Variants in VPS13C observed in about 807,000 individuals in gnomAD.
VPS13C encodes the protein intermembrane lipid transfer protein VPS13C.
A neutral mutation model predicts 456.8 loss-of-function variants in VPS13C; 358 were observed. The ratio of observed to expected loss-of-function variants is 0.78; its 90% confidence interval spans 0.72 to 0.86. The LOEUF (loss-of-function observed/expected upper bound fraction) is 0.86. VPS13C is among the 40% of genes least tolerant of loss of function. The pLI, the probability that VPS13C is intolerant of heterozygous loss-of-function variation, is 0.00. For missense variants in VPS13C, 4,818 were observed against 4,385.4 expected (o/e 1.10, Z -2.79); for synonymous variants, 1,578 against 1,486.7 (o/e 1.06, Z -1.41).
intron 6 of VPS13C, among the ~76,000 whole-genome samples, chr15:62,026,636 A>T (rs900340268): frequency 1.3e-5 from 2 of 152,098 alleles, no homozygotes; most frequent in African/African-American, 4.8e-5. Flanking sequence ...GAAAAAAAGC[A>T]ACTAGCTCAG....
intron 82 of VPS13C, among the ~76,000 whole-genome samples, chr15:61,861,248 G>A (rs1894211944): frequency 6.6e-6 from 1 of 152,046 alleles, no homozygotes. Context: ...ACAGGCTTAA[G>A]CCACCACACC....
rs1030142281 is a variant in VPS13C at position 61,866,573 on chromosome 15, T to A, written c.10863+2086A>T. ...AGATGATTTAAGTCAGCATCTTGAA[T>A]TAGTTATTTGTGCTTGACTCTCCTA... On this transcript the variant is annotated intron_variant, in intron 81 of 84. Coordinates refer to ENST00000644861, the MANE Select transcript of VPS13C (RefSeq NM_020821.3). 1.6e-5 allele frequency: 16 copies of A among 984,984 alleles called. No homozygotes were observed. In the African/African-American group the frequency reaches 2.6e-4, roughly 16 times the overall value. The allele number at this position is 984,984 out of a possible 1,614,324, so 61.0% of individuals were successfully genotyped here.
In VPS13C at chr15:61,954,526, A is replaced by G; in HGVS notation, c.4194T>C (p.Ser1398=). The change falls in exon 38 of 85, where the codon TCT becomes TCC. Residue 1398 remains serine, a synonymous_variant. Transcript: ENST00000644861. The stretch of plus-strand genomic sequence containing the variant: ...TTGAATCATGTACATCTTGTGATAT[A>G]GAGATTTCAAGGGGCTCTTTAATTT... ...TGEIKEPLEI[S]ISQDVHDSKN... 1.3e-6 allele frequency: 2 copies of G among 1,591,792 alleles called. No homozygotes were observed. Among genetic ancestry groups the G allele is most frequent in the Non-Finnish European group, 8.5e-7 (1 of 1,172,688 alleles).
chr15:61,912,884 C>T (rs1334787096), intron 62 of VPS13C, among the ~76,000 whole-genome samples: 2 of 147,842 alleles, frequency 1.4e-5, no homozygotes, highest in African/African-American at 2.5e-5. Context: ...TGAGTGAGAA[C>T]ATGCGGTGTT....
In VPS13C at chr15:61,942,017, T is replaced by G; in HGVS notation, c.5199A>C (p.Thr1733=). 1 of 1,613,148 alleles carries G rather than the reference T, an allele frequency of 6.2e-7. No individual in the cohort carries two copies. The highest frequency in any genetic ancestry group is 8.5e-7 in the Non-Finnish European group (1 of 1,179,344). Residue 1733 remains threonine (T), a synonymous_variant, in exon 46 of 85, where the codon ACA becomes ACC. Coordinates refer to ENST00000644861, the MANE Select transcript of VPS13C (RefSeq NM_020821.3). ...AAGCAGCTCTTTCTGCAGCCTGGACTGTGGCTGTACTCAAAGCTTCTTTAG... is the reference window on the plus strand; with the variant it reads ...AAGCAGCTCTTTCTGCAGCCTGGACGGTGGCTGTACTCAAAGCTTCTTTAG... ...QTAKEALSTA[T]VQAAERAASS...
rs1410168953 is a variant in VPS13C, at chr15:61,950,999, A to T, written c.4482T>A (p.Ile1494=). ...CGTCAGTCACATTAGAAGAGTTAAT[A>T]ATGTGAAGAGGTTCCCCTTTAGAGT... ...FTDSKGEPLH[I]INSSNVTDEP... is the part of the protein sequence containing the mutation. The change falls in exon 40 of 85, where the codon ATT becomes ATA. Residue 1494 remains isoleucine (I), a synonymous_variant. Coordinates refer to ENST00000644861, the MANE Select transcript of VPS13C (RefSeq NM_020821.3). 1.2e-6 allele frequency: 2 copies of T among 1,602,894 alleles called. No individual in the cohort carries two copies. Among genetic ancestry groups the T allele is most frequent in the East Asian group, 4.5e-5 (2 of 44,658 alleles).
chr15:61,988,381 T>C (rs1016616152), intron 18 of VPS13C, among the ~76,000 whole-genome samples: 4 of 152,208 alleles, frequency 2.6e-5, no homozygotes, highest in Admixed American at 6.5e-5. Context: ...AAGACACTTA[T>C]ACCAATCCAA....
intron 16 of VPS13C, among the ~76,000 whole-genome samples, chr15:61,994,128 G>A (rs550243099): frequency 1.4e-4 from 22 of 151,832 alleles, no homozygotes; most frequent in Admixed American, 7.9e-4. Context: ...CCAATCCTCC[G>A]CCTACATTTT....
chr15:62,012,638 A>G (rs2047085978), intron 11 of VPS13C, among the ~76,000 whole-genome samples: 1 of 151,950 alleles, frequency 6.6e-6, no homozygotes, highest in Non-Finnish European at 1.5e-5. Context: ...TCTACTATTC[A>G]GAAAATCATC....
At chr15:62,052,996 T>C (rs908878622) in intron 1 of VPS13C, among the ~76,000 whole-genome samples, 4 of 152,200 alleles carry the variant, frequency 2.6e-5, no homozygotes, top group Non-Finnish European at 4.4e-5. Flanking sequence ...GTTACCAAAA[T>C]ACCAATTCTC....
chr15:61,983,599 G>A (rs2045949377), intron 20 of VPS13C: 2 of 464,110 alleles, frequency 4.3e-6, no homozygotes, highest in Non-Finnish European at 7.4e-6. Context: ...ATTTAACAAA[G>A]GCGTAGATAA....
chr15:61,975,988 T>C (rs1032822581), intron 24 of VPS13C, among the ~76,000 whole-genome samples: 2 of 152,212 alleles, frequency 1.3e-5, no homozygotes, highest in South Asian at 2.1e-4. Flanking sequence ...AACATGAAAC[T>C]GATTTATGTT....
At chr15:61,951,083 C>G in intron 39 of VPS13C, 59 bp from the exon 40 acceptor site, 1 of 1,100,192 alleles carries the variant, frequency 9.1e-7, no homozygotes, top group East Asian at 2.5e-5. Flanking sequence ...CATTTTAAAA[C>G]AGGACCAGCC....
intron 55 of VPS13C, among the ~76,000 whole-genome samples, chr15:61,921,503 T>C (rs2043653077): frequency 6.6e-6 from 1 of 152,074 alleles, no homozygotes; most frequent in Non-Finnish European, 1.5e-5. Flanking sequence ...CTAAAGAGCT[T>C]CATTTATGTT....
intron 16 of VPS13C, among the ~76,000 whole-genome samples, chr15:61,996,035 T>A (rs2046373524): frequency 1.3e-5 from 2 of 152,058 alleles, no homozygotes; most frequent in Admixed American, 1.3e-4. Context: ...AACCAGTAAA[T>A]GGAGTTCATG....
chr15:61,868,891 T>TC (rs1894792611), intron 80 of VPS13C, 118 bp from the exon 81 acceptor site: 1 of 837,780 alleles, frequency 1.2e-6, no homozygotes. Context: ...TAAATAGCTT[T>TC]CCCCAAATAA....
At chr15:61,864,053 C>T (rs1369265206) in intron 81 of VPS13C, 1 of 153,044 alleles carries the variant, frequency 6.5e-6, no homozygotes. Flanking sequence ...AGATTAAGAA[C>T]CACTGGTTTA....
intron 37 of VPS13C, among the ~76,000 whole-genome samples, chr15:61,954,987 G>A (rs1349459260): frequency 6.6e-6 from 1 of 152,094 alleles, no homozygotes; most frequent in East Asian, 1.9e-4. Flanking sequence ...TGATATGGTT[G>A]AATCATAAGG....
chr15:62,037,311 AATATATT>A (rs1161760520), intron 3 of VPS13C, among the ~76,000 whole-genome samples: 7 of 65,274 alleles, frequency 1.1e-4, no homozygotes, highest in African/African-American at 1.9e-4. Flanking sequence ...TATATATATA[AATATATT>A]ATATATTATA....
Sources: gnomAD v4.1 joint callset for allele counts (sites outside exome capture counted in the v4.1 genomes callset) on GRCh38, gnomAD v4.1.1 for gene constraint, MANE v1.5 for transcripts, NCBI Gene and HGNC (gene_info 2026-07-23, HGNC 2026-07-21) for gene names.